The following ZCCHC14 variants were observed in gnomAD, a reference collection of about 807,000 sequenced individuals.
ZCCHC14 encodes zinc finger CCHC-type containing 14.
ZCCHC14 carries 16 observed loss-of-function variants against 85.0 expected under a neutral mutation model. The ratio of observed to expected loss-of-function variants is 0.19; its 90% CI spans 0.13 to 0.29. The LOEUF (loss-of-function observed/expected upper bound fraction) is 0.29. ZCCHC14 is among the 10% of genes least tolerant of loss of function. The probability of loss-of-function intolerance (pLI) is 1.00; values close to 1 mark genes in which losing one functional copy is unlikely to be tolerated. For synonymous variants in ZCCHC14, 775 were observed against 630.7 expected, an observed-to-expected ratio of 1.23 and a Z score of -3.43; for missense variants, 1,303 against 1,443.5, an observed-to-expected ratio of 0.90 and a Z score of 1.58.
intron 1 of ZCCHC14, chr16:87,472,639 C>G (rs1911821433): frequency 6.6e-6 from 1 of 152,380 alleles, no homozygotes. Context: ...CACGTGGGAA[C>G]CAACAACCCA....
At chr16:87,447,570 G>T (rs1185325294) in intron 2 of ZCCHC14, among the ~76,000 whole-genome samples, 1 of 152,156 alleles carries the variant, frequency 6.6e-6, no homozygotes, top group Admixed American at 6.5e-5. Context: ...CTCTTCCATT[G>T]TATAAATATA....
intron 2 of ZCCHC14, among the ~76,000 whole-genome samples, chr16:87,439,619 A>G (rs1014909996): frequency 6.6e-6 from 1 of 152,260 alleles, no homozygotes; most frequent in African/African-American, 2.4e-5. Flanking sequence ...CACATTATAT[A>G]CATATATCAA....
intron 8 of ZCCHC14, among the ~76,000 whole-genome samples, chr16:87,417,243 C>T (rs1426943755): frequency 6.6e-6 from 1 of 152,116 alleles, no homozygotes; most frequent in Admixed American, 6.6e-5. Context: ...GTCTTGAAGC[C>T]CCTAGACAAG....
intron 1 of ZCCHC14, among the ~76,000 whole-genome samples, chr16:87,477,667 A>G (rs910928227): frequency 6.6e-6 from 1 of 152,184 alleles, no homozygotes; most frequent in Non-Finnish European, 1.5e-5. Flanking sequence ...TGGGGACAAA[A>G]ATAGAACTTG....
chr16:87,476,422 TTGTGA>T (rs1912007749), intron 1 of ZCCHC14, among the ~76,000 whole-genome samples: 2 of 152,260 alleles, frequency 1.3e-5, no homozygotes, highest in African/African-American at 4.8e-5. Context: ...ACTATATATG[TTGTGA>T]TGTCTACAGC....
chr16:87,474,947 C>G (rs558243642), intron 1 of ZCCHC14, among the ~76,000 whole-genome samples: 25 of 152,238 alleles, frequency 1.6e-4, no homozygotes, highest in African/African-American at 5.5e-4. Flanking sequence ...TCCAGCCAAA[C>G]TGACTGCCTG....
chr16:87,479,817 G>A (rs764964940), intron 1 of ZCCHC14, among the ~76,000 whole-genome samples: 3 of 152,130 alleles, frequency 2.0e-5, no homozygotes, highest in Non-Finnish European at 2.9e-5. Context: ...GGCTTCTTCC[G>A]AGCTCTCAGC....
intron 3 of ZCCHC14, among the ~76,000 whole-genome samples, chr16:87,427,939 ATTT>A (rs34933427): frequency 0.018 from 2,457 of 137,062 alleles, 24 homozygotes; most frequent in Middle Eastern, 0.051. Flanking sequence ...GGCCTCTATG[ATTT>A]TTTTTTTTTT....
intron 2 of ZCCHC14, among the ~76,000 whole-genome samples, chr16:87,440,296 C>T (rs1320273290): frequency 6.6e-6 from 1 of 152,040 alleles, no homozygotes; most frequent in Non-Finnish European, 1.5e-5. Flanking sequence ...TCCTGAGTAG[C>T]TGGGATTACA....
chr16:87,433,512 G>C (rs1909765206), intron 2 of ZCCHC14, among the ~76,000 whole-genome samples: 1 of 152,198 alleles, frequency 6.6e-6, no homozygotes, highest in Non-Finnish European at 1.5e-5. Context: ...CTACAACTGA[G>C]AATCTGTGCA....
chr16:87,458,535 G>A (rs1368317065), intron 2 of ZCCHC14, among the ~76,000 whole-genome samples: 1 of 152,170 alleles, frequency 6.6e-6, no homozygotes, highest in Non-Finnish European at 1.5e-5. Context: ...ACCATACCGT[G>A]CTCATTACAT....
At chr16:87,423,515 A>AC (rs1909211266) in intron 4 of ZCCHC14, among the ~76,000 whole-genome samples, 1 of 152,228 alleles carries the variant, frequency 6.6e-6, no homozygotes, top group African/African-American at 2.4e-5. Flanking sequence ...GGGGGACTGA[A>AC]AAGTAACAAA....
At chr16:87,452,014 T>G (rs1910730560) in intron 2 of ZCCHC14, among the ~76,000 whole-genome samples, 1 of 152,230 alleles carries the variant, frequency 6.6e-6, no homozygotes, top group Non-Finnish European at 1.5e-5. Context: ...GTGGGCTGAC[T>G]GCAGCGTTCT....
intron 2 of ZCCHC14, among the ~76,000 whole-genome samples, chr16:87,435,486 G>A (rs924434818): frequency 2.0e-5 from 3 of 152,248 alleles, no homozygotes; most frequent in Non-Finnish European, 4.4e-5. Flanking sequence ...CTGAGGAGCT[G>A]TGCCAGACAC....
At chr16:87,472,711 T>G (rs1911824238) in intron 1 of ZCCHC14, 2 of 152,228 alleles carry the variant, frequency 1.3e-5, no homozygotes, top group South Asian at 4.1e-4. Flanking sequence ...ACCATGATGG[T>G]TCCTTCCCCC....
At chr16:87,477,137 A>AC (rs1350473366) in intron 1 of ZCCHC14, among the ~76,000 whole-genome samples, 47 of 136,870 alleles carry the variant, frequency 3.4e-4, no homozygotes, top group Non-Finnish European at 4.1e-4. Context: ...AAAAAAAAAA[A>AC]AAAACAAAAC....
rs146155698 is a variant in ZCCHC14, at chr16:87,414,979, G to A, written c.1475+297C>T. ...TGCCTGTAATCCCAGGTACTTGGGA[G>A]ACTGAGGCAGGAGAATCGCTTGAAC... On this transcript the variant is annotated intron_variant, in intron 9 of 12. Transcript: ENST00000671377. Among the ~76,000 whole-genome samples, 97 of 152,352 alleles carry A rather than the reference G, an allele frequency of 6.4e-4. No homozygotes were observed. In the East Asian group the frequency reaches 0.016, roughly 25 times the overall value.
chr16:87,430,844 T>C (rs1909620027), intron 3 of ZCCHC14, among the ~76,000 whole-genome samples: 1 of 152,118 alleles, frequency 6.6e-6, no homozygotes, highest in Admixed American at 6.6e-5. Flanking sequence ...CAACTTGATT[T>C]CTAAAATAGA....
intron 1 of ZCCHC14, among the ~76,000 whole-genome samples, chr16:87,477,372 G>A (rs1912068366): frequency 6.6e-6 from 1 of 152,186 alleles, no homozygotes; most frequent in Non-Finnish European, 1.5e-5. Flanking sequence ...CCAAGACCAT[G>A]GATCCCGCCC....
Sources: allele counts gnomAD v4.1 joint callset (sites outside exome capture counted in the v4.1 genomes callset), GRCh38; gene constraint gnomAD v4.1.1; transcripts MANE v1.5; gene names NCBI Gene and HGNC (gene_info 2026-07-23, HGNC 2026-07-21).